ASCC1: variants seen among roughly 807,000 people sequenced by gnomAD.
The protein encoded by ASCC1 is ASC-1 complex subunit P50.
A neutral mutation model predicts 46.6 loss-of-function variants in ASCC1; 35 were observed. The observed-to-expected ratio is 0.75, with a 90% CI of 0.57 to 0.99. The LOEUF (loss-of-function observed/expected upper bound fraction) is 0.99. Ranked by LOEUF, ASCC1 falls within the 50% of genes least tolerant of loss-of-function variation. ASCC1 has a pLI of 0.00. For synonymous variants in ASCC1, 143 were observed against 146.6 expected (o/e 0.98, Z 0.18); for missense variants, 376 against 428.7 (o/e 0.88, Z 1.09).
rs560233181 is a variant in ASCC1, at chr10:72,152,929, T to C, written c.686A>G (p.Asp229Gly). 9.9e-6 allele frequency: 16 copies of C among 1,614,152 alleles called. No homozygotes were observed. The highest frequency in any genetic ancestry group is 1.3e-5 in the Non-Finnish European group (15 of 1,180,002). The change falls in exon 7 of 10, where the codon GAT becomes GGT. Residue 229 changes from aspartate (D) to glycine (G), a missense_variant. Physicochemically the swap from Asp to Gly is moderately conservative, Grantham distance 94. Coordinates refer to ENST00000672957, the MANE Select transcript of ASCC1 (RefSeq NM_001198800.3). ...AAGAACATCCACCATGCCAGGATCA[T>C]CATTCATGTATTCTATCCCTGCCAT... ...VEMAGIEYMN[D>G]DPGMVDVLYA...
chr10:72,162,000 C>G (rs1410736987), intron 5 of ASCC1, among the ~76,000 whole-genome samples: 1 of 151,838 alleles, frequency 6.6e-6, no homozygotes, highest in Non-Finnish European at 1.5e-5. Flanking sequence ...TGGATTTCAC[C>G]AAATTAAAAA....
chr10:72,213,079 C>A (rs1478530926), intron 2 of ASCC1, 108 bp downstream of exon 2: 1 of 775,372 alleles, frequency 1.3e-6, no homozygotes, highest in Non-Finnish European at 2.3e-6. Flanking sequence ...GGCCAAACAT[C>A]TCAAATTTCA....
intron 4 of ASCC1, among the ~76,000 whole-genome samples, chr10:72,201,520 AC>A: frequency 6.6e-6 from 1 of 152,112 alleles, no homozygotes; most frequent in South Asian, 2.1e-4. Context: ...CCCCATCTCT[AC>A]AAAAAGTATT....
intron 9 of ASCC1, among the ~76,000 whole-genome samples, chr10:72,108,915 C>T (rs1434839044): frequency 6.6e-6 from 1 of 152,190 alleles, no homozygotes; most frequent in Non-Finnish European, 1.5e-5. Flanking sequence ...TATCTGGTCT[C>T]ATAGGGCTGT....
At chr10:72,119,974 C>T (rs1324817226) in intron 9 of ASCC1, among the ~76,000 whole-genome samples, 1 of 152,156 alleles carries the variant, frequency 6.6e-6, no homozygotes, top group African/African-American at 2.4e-5. Context: ...CAGTGGCTCA[C>T]GCCTGTAATC....
chr10:72,154,836 C>T (rs1385375402), intron 6 of ASCC1, among the ~76,000 whole-genome samples: 2 of 151,876 alleles, frequency 1.3e-5, no homozygotes, highest in Non-Finnish European at 2.9e-5. Context: ...GTTTTGAGTA[C>T]CAAAAGATTG....
chr10:72,164,129 A>AT (rs916323646), intron 5 of ASCC1, among the ~76,000 whole-genome samples: 3 of 151,844 alleles, frequency 2.0e-5, no homozygotes, highest in African/African-American at 7.3e-5. Flanking sequence ...CTCCTGGCTA[A>AT]TTTTTTGATT....
In ASCC1 at chr10:72,172,757, TTATATTA is replaced by T. The variant is rs1478418469; in HGVS notation, c.490-11090_490-11084del. 1.5e-4 allele frequency among the ~76,000 whole-genome samples: 17 copies of T among 114,976 alleles called. No individual in the cohort carries two copies. In the East Asian group the frequency reaches 2.3e-3, roughly 15 times the overall value. 75.4% of individuals were successfully genotyped at this position (114,976 alleles called of 152,430 possible). A position where few individuals can be genotyped will look rare whatever the true frequency, so the allele number is the denominator to read the frequency against. ...TATATATTACATATATTATATATTT[TTATATTA>T]TATATTATATTTTTTATATTATATA... On this transcript the variant is annotated intron_variant, in intron 5 of 9. Coordinates refer to ENST00000672957, the MANE Select transcript of ASCC1 (RefSeq NM_001198800.3).
chr10:72,157,688 GT>G (rs1195127585), intron 6 of ASCC1, among the ~76,000 whole-genome samples: 2 of 152,142 alleles, frequency 1.3e-5, no homozygotes. Flanking sequence ...AACAACCTGA[GT>G]GTACTTAACA....
chr10:72,125,542 G>A (rs1227564344), intron 9 of ASCC1, among the ~76,000 whole-genome samples: 2 of 152,110 alleles, frequency 1.3e-5, no homozygotes, highest in Admixed American at 6.6e-5. Flanking sequence ...TGAGAAAGAC[G>A]TGTCCATTCA....
At chr10:72,160,906 A>AC (rs1314068344) in intron 6 of ASCC1, among the ~76,000 whole-genome samples, 2 of 151,374 alleles carry the variant, frequency 1.3e-5, no homozygotes, top group East Asian at 3.9e-4. Context: ...AAATGGTGAA[A>AC]CCCCGTCTCT....
intron 5 of ASCC1, among the ~76,000 whole-genome samples, chr10:72,162,563 G>C (rs1057033178): frequency 2.0e-5 from 3 of 152,076 alleles, no homozygotes; most frequent in Non-Finnish European, 4.4e-5. Context: ...TCAAACTCCT[G>C]GGCTCAAGCG....
intron 9 of ASCC1, among the ~76,000 whole-genome samples, chr10:72,122,849 G>A (rs1210828659): frequency 6.6e-6 from 1 of 151,990 alleles, no homozygotes; most frequent in Non-Finnish European, 1.5e-5. Context: ...TAAGGTAAAT[G>A]AAAATGAAGA....
At chr10:72,139,256 G>C (rs1259293596) in intron 7 of ASCC1, among the ~76,000 whole-genome samples, 1 of 151,826 alleles carries the variant, frequency 6.6e-6, no homozygotes, top group Non-Finnish European at 1.5e-5. Flanking sequence ...TGGGACTACA[G>C]ATGCCCGCCA....
At chr10:72,156,140 T>A (rs1205272548) in intron 6 of ASCC1, among the ~76,000 whole-genome samples, 1 of 152,228 alleles carries the variant, frequency 6.6e-6, no homozygotes, top group Non-Finnish European at 1.5e-5. Context: ...GGCCATCCCC[T>A]TGGTGATAAA....
At chr10:72,115,383 C>T (rs1448895984) in intron 9 of ASCC1, among the ~76,000 whole-genome samples, 1 of 152,072 alleles carries the variant, frequency 6.6e-6, no homozygotes, top group African/African-American at 2.4e-5. Context: ...TTGATTTGGA[C>T]AGCTCTTACC....
chr10:72,102,876 G>A (rs1233016139), intron 9 of ASCC1: 1 of 391,098 alleles, frequency 2.6e-6, no homozygotes, highest in South Asian at 1.9e-5. Context: ...TTGGGAGGCT[G>A]AGGCAGGAGA....
chr10:72,150,890 A>G (rs1236285148), intron 7 of ASCC1, among the ~76,000 whole-genome samples: 2 of 152,220 alleles, frequency 1.3e-5, no homozygotes, highest in East Asian at 1.9e-4. Flanking sequence ...TCAAAACCAC[A>G]ATGAGATACC....
At chr10:72,178,715 G>A (rs1028526729) in intron 5 of ASCC1, among the ~76,000 whole-genome samples, 1 of 152,158 alleles carries the variant, frequency 6.6e-6, no homozygotes, top group African/African-American at 2.4e-5. Flanking sequence ...AGAACTGTGA[G>A]ATGATACATG....
Sources: gnomAD v4.1 joint callset for allele counts (sites outside exome capture counted in the v4.1 genomes callset) on GRCh38, gnomAD v4.1.1 for gene constraint, MANE v1.5 for transcripts, NCBI Gene and HGNC (gene_info 2026-07-23, HGNC 2026-07-21) for gene names.